RECK: variants seen among roughly 807,000 people sequenced by gnomAD.
RECK encodes reversion inducing cysteine rich protein with kazal motifs.
A neutral mutation model predicts 115.1 loss-of-function variants in RECK; 69 were observed. That is an observed-to-expected ratio of 0.60 (90% CI 0.49 to 0.73). The LOEUF (loss-of-function observed/expected upper bound fraction) is 0.73, where lower values mean the gene tolerates loss of function less well. Among genes scored for constraint, RECK ranks in the 30% least tolerant of loss-of-function variants. The pLI, the probability that RECK is intolerant of heterozygous loss-of-function variation, is 0.00. For missense variants in RECK, 1,047 were observed against 1,203.7 expected, an observed-to-expected ratio of 0.87 and a Z score of 1.93; for synonymous variants, 414 against 419.7, an observed-to-expected ratio of 0.99 and a Z score of 0.17.
rs545075124 is a variant in RECK at position 36,089,068 on chromosome 9, C to T, written c.905+1107C>T. ...TAAAGACATGAAAAAGAGCGAGACT[C>T]TGTCTCCAAATAAATAAATGAAAGA... On this transcript the variant is annotated intron_variant, in intron 9 of 20. Coordinates refer to ENST00000377966, the MANE Select transcript of RECK (RefSeq NM_021111.3). Among the ~76,000 whole-genome samples the T allele has an allele frequency of 2.0e-5, 3 of 152,236 alleles. No homozygotes were observed. The South Asian group carries it at 6.2e-4, about 32-fold the overall frequency.
chr9:36,069,237 G>A (rs1014094820), intron 6 of RECK, among the ~76,000 whole-genome samples: 3 of 151,954 alleles, frequency 2.0e-5, no homozygotes, highest in Non-Finnish European at 4.4e-5. Flanking sequence ...AAATAAAATA[G>A]GCTTACAAAT....
At chr9:36,120,115 G>A (rs1218484284) in intron 18 of RECK, among the ~76,000 whole-genome samples, 1 of 151,914 alleles carries the variant, frequency 6.6e-6, no homozygotes, top group Non-Finnish European at 1.5e-5. Flanking sequence ...GGCACCTGTA[G>A]TCCCAGCTAC....
intron 9 of RECK, among the ~76,000 whole-genome samples, chr9:36,089,926 C>A (rs1158336398): frequency 2.0e-5 from 3 of 151,490 alleles, no homozygotes; most frequent in African/African-American, 7.3e-5. Context: ...GAGTTCCAGA[C>A]CAGCCTGGTC....
At chr9:36,119,086 T>A (rs1173608870) in intron 18 of RECK, 119 bp downstream of exon 18, 7 of 1,000,546 alleles carry the variant, frequency 7.0e-6, no homozygotes, top group Admixed American at 2.4e-5. Context: ...CTTGAAGAGA[T>A]TCTTATGCTG....
Position 36,112,392 on chromosome 9 carries a change from T to C in RECK, c.1976T>C (p.Val659Ala). ...CCCAGTGCCTGCATTGCTCGCTGTGTGGGCCTCCAAGACCATCAGTTTGAG... is the reference window on the plus strand; with the variant it reads ...CCCAGTGCCTGCATTGCTCGCTGTGCGGGCCTCCAAGACCATCAGTTTGAG... ...TYPSACIARC[V>A]GLQDHQFEFG... The change falls in exon 16 of 21, where the codon GTG becomes GCG. Residue 659 changes from valine (V) to alanine (A), a missense_variant. Coordinates refer to ENST00000377966, the MANE Select transcript of RECK (RefSeq NM_021111.3). 6.2e-7 allele frequency: 1 copy of C among 1,614,072 alleles called. No individual in the cohort carries two copies. Among genetic ancestry groups the C allele is most frequent in the Non-Finnish European group, 8.5e-7 (1 of 1,180,008 alleles).
At chr9:36,098,644 A>C (rs1823451927) in intron 10 of RECK, among the ~76,000 whole-genome samples, 1 of 152,208 alleles carries the variant, frequency 6.6e-6, no homozygotes, top group Non-Finnish European at 1.5e-5. Flanking sequence ...ATGTCCAAAT[A>C]AAGACCTGTC....
At chr9:36,066,293 CT>C (rs1821994169) in intron 6 of RECK, among the ~76,000 whole-genome samples, 1 of 152,062 alleles carries the variant, frequency 6.6e-6, no homozygotes. Context: ...TTCTAGAACT[CT>C]GTTCTTAAAT....
intron 1 of RECK, among the ~76,000 whole-genome samples, chr9:36,039,270 AT>A (rs1283337188): frequency 6.6e-6 from 1 of 152,262 alleles, no homozygotes; most frequent in Admixed American, 6.5e-5. Flanking sequence ...ATTGAGTAAT[AT>A]AATGGACAAA....
chr9:36,115,651 A>G (rs1302847471), intron 16 of RECK, among the ~76,000 whole-genome samples: 1 of 152,194 alleles, frequency 6.6e-6, no homozygotes, highest in Non-Finnish European at 1.5e-5. Flanking sequence ...TTAAATTTCC[A>G]TAAAACCATA....
At chr9:36,114,561 G>A (rs1295351768) in intron 16 of RECK, among the ~76,000 whole-genome samples, 1 of 152,190 alleles carries the variant, frequency 6.6e-6, no homozygotes. Flanking sequence ...AAATATATCT[G>A]TAGGGATAAA....
At chr9:36,039,415 C>T (rs184326961) in intron 1 of RECK, among the ~76,000 whole-genome samples, 45 of 152,262 alleles carry the variant, frequency 3.0e-4, no homozygotes, top group Non-Finnish European at 2.9e-5. Flanking sequence ...CCTTCTTAAC[C>T]GCATCCAAGA....
intron 9 of RECK, among the ~76,000 whole-genome samples, chr9:36,089,323 C>T (rs1184747395): frequency 1.3e-5 from 2 of 152,186 alleles, no homozygotes; most frequent in Admixed American, 6.5e-5. Context: ...TTTTCCTTCT[C>T]TCTAACCTTG....
chr9:36,042,907 T>C (rs1820922884), intron 1 of RECK, among the ~76,000 whole-genome samples: 1 of 152,128 alleles, frequency 6.6e-6, no homozygotes, highest in Non-Finnish European at 1.5e-5. Flanking sequence ...GTGGTTTTGA[T>C]TTGCATTTCC....
At chr9:36,120,174 G>C (rs2132677161) in intron 18 of RECK, among the ~76,000 whole-genome samples, 1 of 152,106 alleles carries the variant, frequency 6.6e-6, no homozygotes, top group Middle Eastern at 3.4e-3. Context: ...GGCGGAGCTT[G>C]CAGTGAGCCG....
Position 36,108,010 on chromosome 9 carries a change from C to A in RECK, c.1611C>A (p.Val537=). 6.2e-7 allele frequency: 1 copy of A among 1,611,870 alleles called. No individual in the cohort carries two copies. Among genetic ancestry groups the A allele is most frequent in the Non-Finnish European group, 8.5e-7 (1 of 1,179,400 alleles). Residue 537 remains valine, a synonymous_variant, in exon 14 of 21, where the codon GTC becomes GTA. Transcript: ENST00000377966. The stretch of plus-strand genomic sequence containing the variant: ...TGGGAGAAGCTTCTGATTTCATTGT[C>A]CGTCAAGGGACACTAATCCAGGTGC... ...CKLGEASDFI[V]RQGTLIQVPS...
intron 1 of RECK, among the ~76,000 whole-genome samples, chr9:36,045,221 G>A (rs1463755637): frequency 6.6e-6 from 1 of 152,068 alleles, no homozygotes; most frequent in Non-Finnish European, 1.5e-5. Flanking sequence ...TATACTTTAT[G>A]CAGATATACC....
chr9:36,054,499 TAAAAA>T (rs56001338), intron 2 of RECK, among the ~76,000 whole-genome samples: 1 of 127,188 alleles, frequency 7.9e-6, no homozygotes, highest in Admixed American at 8.0e-5. Flanking sequence ...GCCCTTAGTT[TAAAAA>T]AAAAAAAAAA....
chr9:36,120,194 C>G (rs1450899241), intron 18 of RECK, among the ~76,000 whole-genome samples: 1 of 151,662 alleles, frequency 6.6e-6, no homozygotes, highest in African/African-American at 2.4e-5. Context: ...GAGATCGCGC[C>G]ACTGCACTCT....
intron 18 of RECK, among the ~76,000 whole-genome samples, chr9:36,119,272 T>A (rs77335971): frequency 1.2e-3 from 178 of 152,350 alleles, no homozygotes; most frequent in African/African-American, 4.1e-3. Flanking sequence ...GGTTATTAAA[T>A]GCATAATGTT....
Sources: gnomAD v4.1 joint callset for allele counts (sites outside exome capture counted in the v4.1 genomes callset) on GRCh38, gnomAD v4.1.1 for gene constraint, MANE v1.5 for transcripts, NCBI Gene and HGNC (gene_info 2026-07-23, HGNC 2026-07-21) for gene names.